The following STXBP6 variants were observed in gnomAD, a reference collection of about 807,000 sequenced individuals.
STXBP6 encodes syntaxin-binding protein 6.
In STXBP6, 21 loss-of-function variants were observed where a neutral mutation model predicts 26.9. That is an observed-to-expected ratio of 0.78 (90% CI 0.55 to 1.12). The LOEUF (loss-of-function observed/expected upper bound fraction) is 1.12. Among genes scored for constraint, STXBP6 ranks in the 50% most tolerant of loss-of-function variants. STXBP6 has a pLI of 0.00. For missense variants in STXBP6, 232 were observed against 257.9 expected (o/e 0.90, Z 0.69); for synonymous variants, 97 against 92.6 (o/e 1.05, Z -0.27).
At chr14:24,872,046 TA>T (rs1566430725) in intron 2 of STXBP6, among the ~76,000 whole-genome samples, 1 of 152,100 alleles carries the variant, frequency 6.6e-6, no homozygotes, top group East Asian at 1.9e-4. Context: ...AGCACTTCTA[TA>T]AAGAAGGAAA....
chr14:24,956,758 C>T (rs17200947), intron 2 of STXBP6, among the ~76,000 whole-genome samples: 34,307 of 151,920 alleles, frequency 0.23, 3,974 homozygotes, highest in South Asian at 0.36. Flanking sequence ...TGTAATACAC[C>T]GACCACGCCT....
At chr14:25,036,526 T>C (rs544645960) in intron 1 of STXBP6, among the ~76,000 whole-genome samples, 1 of 152,098 alleles carries the variant, frequency 6.6e-6, no homozygotes, top group South Asian at 2.1e-4. Flanking sequence ...GGAAAACTAA[T>C]AGGAGATTTT....
intron 4 of STXBP6, among the ~76,000 whole-genome samples, chr14:24,846,469 T>C (rs1453041566): frequency 1.3e-5 from 2 of 152,176 alleles, no homozygotes; most frequent in Non-Finnish European, 2.9e-5. Context: ...CACCATAAGG[T>C]TTATTTGTCT....
chr14:24,929,500 T>C (rs1332606211), intron 2 of STXBP6, among the ~76,000 whole-genome samples: 1 of 152,218 alleles, frequency 6.6e-6, no homozygotes, highest in Admixed American at 6.5e-5. Context: ...TTTAAAGTAA[T>C]AGTTTGCAGT....
intron 2 of STXBP6, among the ~76,000 whole-genome samples, chr14:24,871,405 G>A (rs1335378490): frequency 6.6e-5 from 10 of 152,312 alleles, no homozygotes. Flanking sequence ...AAAATGAAAG[G>A]TGTTGCGTGA....
Position 24,990,382 on chromosome 14 carries a change from C to T in STXBP6, c.-32-15532G>A, listed in dbSNP as rs116537654. ...TTGCTTGAAAAGATAAGCTGCGCCG[C>T]GCGCAGTGGCTCACACCTGTAATCC... On this transcript the variant is annotated intron_variant, in intron 1 of 5. Coordinates refer to ENST00000323944, the MANE Select transcript of STXBP6 (RefSeq NM_001394410.1). Among the ~76,000 whole-genome samples the T allele has an allele frequency of 6.4e-3, 970 of 152,226 alleles. 10 individuals are homozygous for T. The highest frequency in any genetic ancestry group is 0.022 in the African/African-American group (902 of 41,562).
At chr14:24,854,207 G>A (rs745455966) in intron 4 of STXBP6, among the ~76,000 whole-genome samples, 2 of 152,078 alleles carry the variant, frequency 1.3e-5, no homozygotes, top group Non-Finnish European at 2.9e-5. Context: ...GGAAGAGTCA[G>A]CAAAGCTATC....
At chr14:24,897,271 G>C (rs1416876279) in intron 2 of STXBP6, among the ~76,000 whole-genome samples, 1 of 151,732 alleles carries the variant, frequency 6.6e-6, no homozygotes, top group African/African-American at 2.4e-5. Context: ...TTAGCCAGGC[G>C]TGGTGGTGGG....
chr14:24,882,248 G>A (rs952059532), intron 2 of STXBP6, among the ~76,000 whole-genome samples: 6 of 148,836 alleles, frequency 4.0e-5, no homozygotes, highest in East Asian at 2.0e-4. Flanking sequence ...GCGTAGTGGC[G>A]GGCGCCTGTA....
chr14:24,960,580 T>A (rs28625718), intron 2 of STXBP6, among the ~76,000 whole-genome samples: 1 of 152,216 alleles, frequency 6.6e-6, no homozygotes, highest in East Asian at 1.9e-4. Flanking sequence ...ATTTAGAGAC[T>A]AGCTTTTTTG....
chr14:24,898,029 A>C (rs2071060826), intron 2 of STXBP6, among the ~76,000 whole-genome samples: 1 of 152,206 alleles, frequency 6.6e-6, no homozygotes, highest in African/African-American at 2.4e-5. Flanking sequence ...CTGTGTATGC[A>C]TGTGTTTCTG....
intron 2 of STXBP6, among the ~76,000 whole-genome samples, chr14:24,915,393 G>A (rs2071728118): frequency 6.6e-6 from 1 of 152,014 alleles, no homozygotes; most frequent in Non-Finnish European, 1.5e-5. Flanking sequence ...CTGAAACAAT[G>A]GACTATTACT....
At chr14:24,865,504 G>C (rs1177710646) in intron 2 of STXBP6, among the ~76,000 whole-genome samples, 1 of 152,152 alleles carries the variant, frequency 6.6e-6, no homozygotes, top group Non-Finnish European at 1.5e-5. Flanking sequence ...GCAGAGATTT[G>C]CCTATGACAA....
intron 4 of STXBP6, among the ~76,000 whole-genome samples, chr14:24,844,405 G>A (rs1201353455): frequency 2.0e-5 from 3 of 152,228 alleles, no homozygotes; most frequent in Non-Finnish European, 4.4e-5. Context: ...AGCCAAGTCG[G>A]ACAGACGTAC....
intron 1 of STXBP6, among the ~76,000 whole-genome samples, chr14:25,043,921 G>A (rs1043535378): frequency 6.6e-6 from 1 of 152,276 alleles, no homozygotes; most frequent in East Asian, 1.9e-4. Context: ...GCTCATGCCT[G>A]TAATCCCAGA....
At chr14:24,881,211 G>A (rs568454960) in intron 2 of STXBP6, among the ~76,000 whole-genome samples, 6 of 151,972 alleles carry the variant, frequency 3.9e-5, no homozygotes, top group African/African-American at 1.4e-4. Flanking sequence ...CTAATTGAAG[G>A]GTAAAACTCA....
chr14:24,875,981 C>T (rs2070128659), intron 2 of STXBP6, among the ~76,000 whole-genome samples: 1 of 151,804 alleles, frequency 6.6e-6, no homozygotes, highest in African/African-American at 2.4e-5. Context: ...TTATTATCAT[C>T]ACAAGTGTAT....
At chr14:24,977,395 T>A (rs1252478232) in intron 1 of STXBP6, among the ~76,000 whole-genome samples, 5 of 152,082 alleles carry the variant, frequency 3.3e-5, no homozygotes, top group South Asian at 2.1e-4. Flanking sequence ...ATTTTTTTTT[T>A]AAATACTGAT....
At chr14:24,932,087 T>C (rs2072433668) in intron 2 of STXBP6, among the ~76,000 whole-genome samples, 1 of 151,926 alleles carries the variant, frequency 6.6e-6, no homozygotes, top group Non-Finnish European at 1.5e-5. Context: ...CACCCACATT[T>C]GGATTTATTC....
Sources: gnomAD v4.1 joint callset for allele counts (sites outside exome capture counted in the v4.1 genomes callset) on GRCh38, gnomAD v4.1.1 for gene constraint, MANE v1.5 for transcripts, NCBI Gene and HGNC (gene_info 2026-07-23, HGNC 2026-07-21) for gene names.